Variants in AP1S3 observed in about 807,000 individuals in gnomAD.
The protein encoded by AP1S3 is AP-1 complex subunit sigma-3.
AP1S3 carries 10 observed loss-of-function variants against 20.9 expected under a neutral mutation model. The ratio of observed to expected loss-of-function variants is 0.48; its 90% CI spans 0.29 to 0.81. AP1S3 has a LOEUF of 0.81. Ranked by LOEUF, AP1S3 falls within the 30% of genes least tolerant of loss-of-function variation. The pLI, the probability that AP1S3 is intolerant of heterozygous loss-of-function variation, is 0.08. For missense variants in AP1S3, 154 were observed against 183.8 expected, an observed-to-expected ratio of 0.84 and a Z score of 0.94; for synonymous variants, 41 against 61.5, an observed-to-expected ratio of 0.67 and a Z score of 1.56.
chr2:223,762,171 C>T (rs544400135), intron 4 of AP1S3, among the ~76,000 whole-genome samples: 47 of 151,630 alleles, frequency 3.1e-4, no homozygotes, highest in Non-Finnish European at 4.6e-4. Context: ...CGGAGTTTCA[C>T]CATCTTGGCC....
intron 1 of AP1S3, among the ~76,000 whole-genome samples, chr2:223,785,485 G>A (rs371710991): frequency 5.9e-5 from 9 of 152,246 alleles, no homozygotes; most frequent in East Asian, 3.9e-4. Context: ...AATTATAAAT[G>A]TTATTTTCTT....
Position 223,795,725 on chromosome 2 carries a change from A to T in AP1S3, c.4-17856T>A, listed in dbSNP as rs909569849. On this transcript the variant is annotated intron_variant, in intron 1 of 4. Transcript: ENST00000396654. Reference sequence around the variant, plus strand: ...TGAGCTAAGTCGATGTGAAAAAGTTACCTGATCTTTGTAGTCTCCTTATCA... The same window carrying T: ...TGAGCTAAGTCGATGTGAAAAAGTTTCCTGATCTTTGTAGTCTCCTTATCA... 2.6e-5 allele frequency among the ~76,000 whole-genome samples: 4 copies of T among 152,230 alleles called. No individual in the cohort carries two copies. The East Asian group carries it at 7.7e-4, about 29-fold the overall frequency.
chr2:223,765,382 C>A (rs749992364), intron 3 of AP1S3, 32 bp from the exon 4 acceptor site: 1 of 1,584,060 alleles, frequency 6.3e-7, no homozygotes, highest in South Asian at 1.2e-5. Flanking sequence ...TTTTGATAAA[C>A]TTGCAGTTGT....
chr2:223,816,334 G>A (rs1202830389), intron 1 of AP1S3, among the ~76,000 whole-genome samples: 1 of 114,470 alleles, frequency 8.7e-6, no homozygotes, highest in African/African-American at 3.4e-5. Context: ...CCTCCCCCAT[G>A]CTTCTGAAAA....
rs1690198394 is a variant in AP1S3, at chr2:223,755,761, C to T, written c.*2954G>A. On this transcript the variant is annotated 3_prime_UTR_variant, in exon 5 of 5. Coordinates refer to ENST00000396654, the MANE Select transcript of AP1S3 (RefSeq NM_001039569.2). ...GGCCAGGCTGGTCTCGAACTCCTGA[C>T]CTCAGGTGATCTGCCGCCTTGACCT... is the stretch of plus-strand genomic sequence containing the variant. The T allele has an allele frequency of 1.2e-6, 1 of 835,338 alleles. No individual in the cohort carries two copies. Among genetic ancestry groups the T allele is most frequent in the African/African-American group, 1.8e-5 (1 of 54,128 alleles). 51.7% of individuals were successfully genotyped at this position (835,338 alleles called of 1,614,324 possible).
chr2:223,780,337 AGAGAGAG>A (rs1690905582), intron 1 of AP1S3, among the ~76,000 whole-genome samples: 2 of 125,316 alleles, frequency 1.6e-5, no homozygotes, highest in African/African-American at 6.7e-5. Flanking sequence ...AGAGAGAGAG[AGAGAGAG>A]AGAGAGAGAG....
intron 3 of AP1S3, among the ~76,000 whole-genome samples, chr2:223,774,440 G>T (rs986011173): frequency 6.6e-6 from 1 of 151,972 alleles, no homozygotes; most frequent in Admixed American, 6.6e-5. Context: ...ATGGAGGAGT[G>T]GTCAGGGATC....
intron 1 of AP1S3, among the ~76,000 whole-genome samples, chr2:223,795,703 G>A (rs1691321290): frequency 6.6e-6 from 1 of 152,214 alleles, no homozygotes; most frequent in African/African-American, 2.4e-5. Context: ...TCATTTATGA[G>A]CTAAGTCGAT....
At chr2:223,773,164 A>G (rs189566345) in intron 3 of AP1S3, 1 of 633,602 alleles carries the variant, frequency 1.6e-6, no homozygotes, top group African/African-American at 1.9e-5. Context: ...ATGCCCTGAG[A>G]TATCTGGCTG....
intron 4 of AP1S3, among the ~76,000 whole-genome samples, chr2:223,760,314 C>T (rs1178599711): frequency 6.6e-6 from 1 of 152,146 alleles, no homozygotes; most frequent in African/African-American, 2.4e-5. Context: ...TGTGAACCTG[C>T]CAGGAAATAC....
rs543504066 is a variant in AP1S3, at chr2:223,827,895, C to T, written c.3+9553G>A. Among the ~76,000 whole-genome samples the T allele has an allele frequency of 7.9e-5, 12 of 151,360 alleles. No individual in the cohort carries two copies. The South Asian group carries it at 1.3e-3, about 16-fold the overall frequency. On this transcript the variant is annotated intron_variant, in intron 1 of 4. Coordinates refer to ENST00000396654, the MANE Select transcript of AP1S3 (RefSeq NM_001039569.2). ...GCCAACATGGTGAAATCACGTCCTA[C>T]TTAAAATACAAAAATTAGCTGGGTG...
intron 1 of AP1S3, among the ~76,000 whole-genome samples, chr2:223,807,785 C>G (rs1370890407): frequency 6.7e-6 from 1 of 148,930 alleles, no homozygotes; most frequent in East Asian, 2.0e-4. Flanking sequence ...GTCGAGCATG[C>G]TTCCTGTATA....
At chr2:223,787,581 G>C (rs140655079) in intron 1 of AP1S3, among the ~76,000 whole-genome samples, 331 of 152,332 alleles carry the variant, frequency 2.2e-3, no homozygotes, top group African/African-American at 7.6e-3. Context: ...TCTCCCCATA[G>C]AATGCCTGAG....
At chr2:223,823,691 T>C (rs6710655) in intron 1 of AP1S3, among the ~76,000 whole-genome samples, 74,669 of 151,954 alleles carry the variant, frequency 0.49, 18,434 homozygotes, top group Middle Eastern at 0.57. Flanking sequence ...TGACTATAGT[T>C]AAAAACAATG....
At chr2:223,788,025 C>T (rs1230004405) in intron 1 of AP1S3, among the ~76,000 whole-genome samples, 1 of 151,484 alleles carries the variant, frequency 6.6e-6, no homozygotes, top group Non-Finnish European at 1.5e-5. Flanking sequence ...GGTGTGATCT[C>T]GGCTCGCCCA....
chr2:223,800,012 C>T (rs1253636248), intron 1 of AP1S3, among the ~76,000 whole-genome samples: 6 of 151,542 alleles, frequency 4.0e-5, no homozygotes, highest in African/African-American at 7.3e-5. Context: ...GTCAGGAGTT[C>T]GAGACCAGCC....
At position 223,758,569 on chromosome 2, in the gene AP1S3, C is replaced by T; in HGVS notation, c.*146G>A. On this transcript the variant is annotated 3_prime_UTR_variant, in exon 5 of 5. Transcript: ENST00000396654. ...ACATAGTAATTATAAATATGTTAAA[C>T]AACTTTAACTTTGTTAGTTAACAAA... 1 of 1,345,284 alleles carries T rather than the reference C, an allele frequency of 7.4e-7. No homozygotes were observed. The highest frequency in any genetic ancestry group is 3.7e-5 in the Admixed American group (1 of 27,282). The allele number at this position is 1,345,284 out of a possible 1,614,324, so 83.3% of individuals were successfully genotyped here.
chr2:223,788,632 C>T (rs1691132370), intron 1 of AP1S3, among the ~76,000 whole-genome samples: 1 of 150,942 alleles, frequency 6.6e-6, no homozygotes, highest in African/African-American at 2.4e-5. Flanking sequence ...GGCGTGGTGG[C>T]ACATGCCTGT....
chr2:223,826,208 T>C (rs773163884), intron 1 of AP1S3, among the ~76,000 whole-genome samples: 9 of 152,156 alleles, frequency 5.9e-5, no homozygotes, highest in Non-Finnish European at 1.2e-4. Context: ...TAGTCCTGTG[T>C]TGTGTTTCAA....
Sources: allele counts gnomAD v4.1 joint callset (sites outside exome capture counted in the v4.1 genomes callset), GRCh38; gene constraint gnomAD v4.1.1; transcripts MANE v1.5; gene names NCBI Gene and HGNC (gene_info 2026-07-23, HGNC 2026-07-21).